The following ESR1 variants were observed in gnomAD, a reference collection of about 807,000 sequenced individuals.
The protein encoded by ESR1 is estrogen receptor 1.
Under a neutral mutation model 52.7 loss-of-function variants are expected in ESR1, and 12 were observed. That is an observed-to-expected ratio of 0.23 (90% CI 0.15 to 0.37). The LOEUF (loss-of-function observed/expected upper bound fraction) is 0.37, where lower values mean the gene tolerates loss of function less well. Ranked by LOEUF, ESR1 falls within the 10% of genes least tolerant of loss-of-function variation. ESR1 has a pLI of 1.00. For missense variants in ESR1, 584 were observed against 779.7 expected, an observed-to-expected ratio of 0.75 and a Z score of 2.99; for synonymous variants, 305 against 316.8, an observed-to-expected ratio of 0.96 and a Z score of 0.39.
intron 5 of ESR1, among the ~76,000 whole-genome samples, chr6:152,046,352 A>T (rs556341339): frequency 7.4e-4 from 112 of 152,370 alleles, no homozygotes; most frequent in Admixed American, 1.4e-3. Flanking sequence ...TACTAGTTAC[A>T]TAATGAATGC....
intron 5 of ESR1, among the ~76,000 whole-genome samples, chr6:152,051,909 C>T (rs2046712317): frequency 6.6e-6 from 1 of 152,118 alleles, no homozygotes; most frequent in Non-Finnish European, 1.5e-5. Context: ...CTGGTCATTA[C>T]TATATTCTTA....
intron 3 of ESR1, among the ~76,000 whole-genome samples, chr6:151,922,451 G>A (rs755380835): frequency 6.6e-6 from 1 of 152,140 alleles, no homozygotes; most frequent in Non-Finnish European, 1.5e-5. Context: ...TCAACAATTA[G>A]TATCAGCCAT....
intron 2 of ESR1, among the ~76,000 whole-genome samples, chr6:151,795,018 TG>T (rs1776554550): frequency 6.6e-6 from 1 of 152,188 alleles, no homozygotes; most frequent in South Asian, 2.1e-4. Flanking sequence ...TTGTCAACTA[TG>T]GTCAAAATAA....
chr6:151,698,547 A>C (rs1378105790), intron 1 of ESR1, among the ~76,000 whole-genome samples: 5 of 152,138 alleles, frequency 3.3e-5, no homozygotes, highest in Non-Finnish European at 7.3e-5. Flanking sequence ...CAGTTATGGG[A>C]ATGGAAAAGC....
intron 5 of ESR1, among the ~76,000 whole-genome samples, chr6:152,032,016 A>G (rs1317057219): frequency 6.6e-6 from 1 of 152,258 alleles, no homozygotes; most frequent in Non-Finnish European, 1.5e-5. Flanking sequence ...AATCCAGCAT[A>G]TAAACAGAAC....
At chr6:151,726,538 G>C (rs536549680) in intron 2 of ESR1, among the ~76,000 whole-genome samples, 2 of 152,032 alleles carry the variant, frequency 1.3e-5, no homozygotes, top group African/African-American at 2.4e-5. Flanking sequence ...GGGTTTCACC[G>C]TATTAGCCAG....
intron 2 of ESR1, among the ~76,000 whole-genome samples, chr6:151,736,448 C>A (rs754531272): frequency 7.2e-6 from 1 of 138,328 alleles, no homozygotes; most frequent in Non-Finnish European, 1.5e-5. Context: ...TCTTGGCTCA[C>A]TGCAACCTCC....
intron 1 of ESR1, among the ~76,000 whole-genome samples, chr6:151,695,183 C>T (rs1779245171): frequency 6.6e-6 from 1 of 152,194 alleles, no homozygotes; most frequent in South Asian, 2.1e-4. Context: ...CTGTTGAATG[C>T]ATACCTGGAG....
chr6:151,946,252 C>T (rs1209270107), intron 4 of ESR1, among the ~76,000 whole-genome samples: 1 of 152,174 alleles, frequency 6.6e-6, no homozygotes, highest in Non-Finnish European at 1.5e-5. Flanking sequence ...TTCCTGTAAA[C>T]ATATATTTTC....
At chr6:151,943,706 C>G (rs1239218529) in intron 3 of ESR1, among the ~76,000 whole-genome samples, 1 of 152,176 alleles carries the variant, frequency 6.6e-6, no homozygotes, top group East Asian at 1.9e-4. Flanking sequence ...TTTTAATTTA[C>G]TATTAAAAGA....
At chr6:152,113,803 G>T (rs949652070) in intron 6 of ESR1, among the ~76,000 whole-genome samples, 2 of 151,922 alleles carry the variant, frequency 1.3e-5, no homozygotes, top group African/African-American at 4.8e-5. Context: ...ATGTATTAAC[G>T]TCATAACAAC....
chr6:152,035,099 T>A (rs1171354660), intron 5 of ESR1, among the ~76,000 whole-genome samples: 1 of 151,810 alleles, frequency 6.6e-6, no homozygotes, highest in African/African-American at 2.4e-5. Flanking sequence ...AAATTCCAGT[T>A]TTTTTTAAAC....
chr6:151,808,408 G>A, intron 1 of ESR1, 44 bp downstream of exon 1: 2 of 422,836 alleles, frequency 4.7e-6, no homozygotes, highest in Non-Finnish European at 8.7e-6. Flanking sequence ...GCCGCGCCCG[G>A]CAGGAGGGAG....
downstream of ESR1, among the ~76,000 whole-genome samples, chr6:152,104,163 G>A (rs2051033811): frequency 6.6e-6 from 1 of 152,060 alleles, no homozygotes; most frequent in Non-Finnish European, 1.5e-5. Context: ...CCTCTCCAGA[G>A]TCTTCCGAAA....
At chr6:151,924,102 G>A (rs1021724135) in intron 3 of ESR1, among the ~76,000 whole-genome samples, 1 of 152,146 alleles carries the variant, frequency 6.6e-6, no homozygotes, top group African/African-American at 2.4e-5. Context: ...GGAGTGCAGT[G>A]GCACGATCTT....
At chr6:151,714,120 G>T (rs1469692491) in intron 2 of ESR1, among the ~76,000 whole-genome samples, 2 of 152,170 alleles carry the variant, frequency 1.3e-5, no homozygotes, top group Non-Finnish European at 2.9e-5. Context: ...TCAGGAGCAG[G>T]TTATTCACTT....
intron 3 of ESR1, among the ~76,000 whole-genome samples, chr6:151,921,347 G>T (rs780271642): frequency 6.6e-6 from 1 of 152,136 alleles, no homozygotes; most frequent in Non-Finnish European, 1.5e-5. Context: ...ATAGGCATTT[G>T]GTTTGATTCC....
chr6:152,090,141 C>T (rs2050064342), intron 6 of ESR1, among the ~76,000 whole-genome samples: 1 of 152,138 alleles, frequency 6.6e-6, no homozygotes, highest in Admixed American at 6.5e-5. Flanking sequence ...GCTTCAGTGG[C>T]ACTTTTGAGC....
intron 1 of ESR1, among the ~76,000 whole-genome samples, chr6:151,819,465 T>C (rs1221669166): frequency 6.6e-6 from 1 of 152,174 alleles, no homozygotes; most frequent in Non-Finnish European, 1.5e-5. Flanking sequence ...GCTTGCATTA[T>C]GCCTGAGCTC....
Sources: allele counts gnomAD v4.1 joint callset (sites outside exome capture counted in the v4.1 genomes callset), GRCh38; gene constraint gnomAD v4.1.1; transcripts MANE v1.5; gene names NCBI Gene and HGNC (gene_info 2026-07-23, HGNC 2026-07-21).